Variants in SLC14A2 observed in about 807,000 individuals in gnomAD.
SLC14A2 encodes the protein urea transporter 2.
A neutral mutation model predicts 104.6 loss-of-function variants in SLC14A2; 91 were observed. The ratio of observed to expected loss-of-function variants is 0.87; its 90% CI spans 0.73 to 1.04. The LOEUF is 1.04. Ranked by LOEUF, SLC14A2 falls within the 50% of genes least tolerant of loss-of-function variation. SLC14A2 has a pLI of 0.00. For missense variants in SLC14A2, 1,189 were observed against 1,156.0 expected (o/e 1.03, Z -0.41); for synonymous variants, 476 against 466.4 (o/e 1.02, Z -0.27).
intron 2 of SLC14A2, among the ~76,000 whole-genome samples, chr18:45,551,332 T>C (rs941008677): frequency 6.6e-6 from 1 of 152,156 alleles, no homozygotes; most frequent in African/African-American, 2.4e-5. Context: ...AACTCCCCAA[T>C]ACCCAGGACT....
chr18:45,565,237 C>T (rs561646301), intron 2 of SLC14A2, among the ~76,000 whole-genome samples: 1 of 151,898 alleles, frequency 6.6e-6, no homozygotes, highest in Non-Finnish European at 1.5e-5. Flanking sequence ...CCATTCCCTT[C>T]CTTCAGCCTC....
intron 1 of SLC14A2, among the ~76,000 whole-genome samples, chr18:45,254,161 A>G (rs1429275963): frequency 1.3e-5 from 2 of 152,204 alleles, no homozygotes; most frequent in African/African-American, 4.8e-5. Context: ...AGCTCCTCTC[A>G]TTCAGTCGAC....
intron 2 of SLC14A2, among the ~76,000 whole-genome samples, chr18:45,594,609 TG>T (rs1247420207): frequency 6.6e-6 from 1 of 151,958 alleles, no homozygotes; most frequent in Non-Finnish European, 1.5e-5. Flanking sequence ...CCAGGCAGAG[TG>T]GGCACAGCCG....
intron 2 of SLC14A2, among the ~76,000 whole-genome samples, chr18:45,567,228 C>T (rs1344210733): frequency 6.6e-6 from 1 of 152,034 alleles, no homozygotes; most frequent in Non-Finnish European, 1.5e-5. Flanking sequence ...AGGCCAACGC[C>T]CACCCCCACC....
intron 1 of SLC14A2, among the ~76,000 whole-genome samples, chr18:45,364,145 G>A (rs962970322): frequency 1.1e-4 from 17 of 152,126 alleles, no homozygotes; most frequent in South Asian, 4.2e-4. Context: ...CCCTCAACTC[G>A]TCAGCCCTTG....
At chr18:45,235,563 T>C (rs1019166056) in intron 1 of SLC14A2, among the ~76,000 whole-genome samples, 1 of 152,044 alleles carries the variant, frequency 6.6e-6, no homozygotes. Context: ...AACCTCTGTA[T>C]ATTCCCCTCT....
chr18:45,291,880 C>T, intron 1 of SLC14A2, among the ~76,000 whole-genome samples: 1 of 152,126 alleles, frequency 6.6e-6, no homozygotes, highest in East Asian at 1.9e-4. Context: ...CCAACATCCT[C>T]TCTCTCCTTC....
At chr18:45,418,936 T>C (rs2086308114) in intron 1 of SLC14A2, among the ~76,000 whole-genome samples, 1 of 152,100 alleles carries the variant, frequency 6.6e-6, no homozygotes, top group South Asian at 2.1e-4. Context: ...ATCAGATCCA[T>C]GGCTTAGCAA....
At chr18:45,502,152 C>A (rs925400539) in intron 2 of SLC14A2, among the ~76,000 whole-genome samples, 1 of 152,156 alleles carries the variant, frequency 6.6e-6, no homozygotes, top group African/African-American at 2.4e-5. Context: ...ACTTGTGAAA[C>A]AGGCAGATTC....
intron 1 of SLC14A2, among the ~76,000 whole-genome samples, chr18:45,453,275 T>C (rs1317327583): frequency 6.6e-6 from 1 of 152,154 alleles, no homozygotes; most frequent in Non-Finnish European, 1.5e-5. Context: ...CCTCTGCCTT[T>C]AGCTGTGCCC....
chr18:45,257,425 ACT>A (rs913196116), intron 1 of SLC14A2, among the ~76,000 whole-genome samples: 19 of 152,268 alleles, frequency 1.2e-4, no homozygotes, highest in African/African-American at 4.6e-4. Flanking sequence ...CATTATTGAG[ACT>A]TTGTATGCTA....
chr18:45,195,070 T>G, the SLC14A2 span, among the ~76,000 whole-genome samples: 43 of 152,324 alleles, frequency 2.8e-4, no homozygotes, highest in Non-Finnish European at 4.7e-4. Flanking sequence ...TCAGTTTTTC[T>G]TGCAGTCCTC....
At chr18:45,454,143 C>G (rs967396750) in intron 1 of SLC14A2, among the ~76,000 whole-genome samples, 2 of 152,106 alleles carry the variant, frequency 1.3e-5, no homozygotes, top group Admixed American at 1.3e-4. Flanking sequence ...CAGGTGTGAG[C>G]CACTGTACCC....
At chr18:45,170,073 T>C in the SLC14A2 span, among the ~76,000 whole-genome samples, 2 of 152,208 alleles carry the variant, frequency 1.3e-5, no homozygotes, top group African/African-American at 4.8e-5. Flanking sequence ...TAGCTAAAGC[T>C]GATTCTTGAA....
At chr18:45,180,175 AC>A in the SLC14A2 span, among the ~76,000 whole-genome samples, 1 of 151,968 alleles carries the variant, frequency 6.6e-6, no homozygotes, top group African/African-American at 2.4e-5. Flanking sequence ...AAACAAACAA[AC>A]AAAAAACATG....
chr18:45,320,495 C>CT (rs954823704), intron 1 of SLC14A2, among the ~76,000 whole-genome samples: 1 of 152,128 alleles, frequency 6.6e-6, no homozygotes, highest in African/African-American at 2.4e-5. Context: ...TCATGATGGT[C>CT]TTTTTTGGCA....
chr18:45,493,683 C>CT (rs1301278516), intron 2 of SLC14A2, among the ~76,000 whole-genome samples: 1 of 152,240 alleles, frequency 6.6e-6, no homozygotes, highest in Non-Finnish European at 1.5e-5. Context: ...TTCTAGTCCT[C>CT]TAACTCCTAG....
chr18:45,386,212 G>A (rs2085894955), intron 1 of SLC14A2, among the ~76,000 whole-genome samples: 1 of 152,096 alleles, frequency 6.6e-6, no homozygotes, highest in Admixed American at 6.5e-5. Context: ...AGCTGGAGTT[G>A]GTTCAAAAAT....
intron 2 of SLC14A2, among the ~76,000 whole-genome samples, chr18:45,489,290 C>T (rs2087673876): frequency 6.6e-6 from 1 of 152,148 alleles, no homozygotes; most frequent in African/African-American, 2.4e-5. Flanking sequence ...GCCAGCAGAT[C>T]ATTTGAGGTG....
Sources: allele counts gnomAD v4.1 joint callset (sites outside exome capture counted in the v4.1 genomes callset), GRCh38; gene constraint gnomAD v4.1.1; transcripts MANE v1.5; gene names NCBI Gene and HGNC (gene_info 2026-07-23, HGNC 2026-07-21).